KMT2E: variants seen among roughly 807,000 people sequenced by gnomAD.
The protein encoded by KMT2E is lysine methyltransferase 2E (inactive), also known as histone reader KMT2E.
A neutral mutation model predicts 184.6 loss-of-function variants in KMT2E; 30 were observed. The ratio of observed to expected loss-of-function variants is 0.16; its 90% CI spans 0.12 to 0.22. KMT2E has a LOEUF of 0.22. Among genes scored for constraint, KMT2E ranks in the 10% least tolerant of loss-of-function variants. KMT2E has a pLI of 1.00. For missense variants in KMT2E, 2,023 were observed against 2,237.4 expected (o/e 0.90, Z 1.93); for synonymous variants, 815 against 776.5 (o/e 1.05, Z -0.82).
chr7:105,058,844 A>G (rs993929505), intron 3 of KMT2E, among the ~76,000 whole-genome samples: 10 of 152,192 alleles, frequency 6.6e-5, no homozygotes, highest in African/African-American at 2.2e-4. Flanking sequence ...TCTTTTGGGA[A>G]ATTTCCCATG....
intron 3 of KMT2E, among the ~76,000 whole-genome samples, chr7:105,043,391 T>C (rs1489964423): frequency 6.6e-6 from 1 of 151,178 alleles, no homozygotes; most frequent in African/African-American, 2.4e-5. Flanking sequence ...CGCCCGCCAC[T>C]ACGCCCGGCT....
chr7:105,033,148 A>G (rs1179629228), intron 1 of KMT2E, among the ~76,000 whole-genome samples: 1 of 152,324 alleles, frequency 6.6e-6, no homozygotes, highest in East Asian at 1.9e-4. Flanking sequence ...CAGCACTTCA[A>G]GTGGACACTA....
chr7:105,113,590 G>A lies in KMT2E; in HGVS notation c.*257G>A, dbSNP rs1799433206. The stretch of plus-strand genomic sequence containing the variant: ...CTGGCAGATCTGATGCTGATTTGAT[G>A]CTGTATGATCTTTTTTTTTTTTTTA... On this transcript the variant is annotated 3_prime_UTR_variant, in exon 27 of 27. Transcript: ENST00000311117. 3.1e-6 allele frequency: 1 copy of A among 327,098 alleles called. No individual in the cohort carries two copies. The highest frequency in any genetic ancestry group is 6.3e-5 in the South Asian group (1 of 15,854). 20.3% of individuals were successfully genotyped at this position (327,098 alleles called of 1,614,324 possible). A position where few individuals can be genotyped will look rare whatever the true frequency, so the allele number is the denominator to read the frequency against.
chr7:105,112,002 C>A lies in KMT2E; in HGVS notation c.4246C>A (p.Pro1416Thr), dbSNP rs1447523123. ...NNNQALSKNH[P>T]PQTHVRNSSE... ...CAACCAAGCACTTTCAAAGAATCAT[C>A]CTCCTCAGACACACGTTCGTAATTC... The change falls in exon 27 of 27, where the codon CCT becomes ACT. Residue 1416 changes from proline (P) to threonine (T), a missense_variant. Physicochemically the swap from Pro to Thr is conservative, Grantham distance 38 (BLOSUM62 -1). This residue lies in a region of KMT2E where 1,108 missense variants were observed against 1,050.9 expected (regional missense o/e 1.05). Coordinates refer to ENST00000311117, the MANE Select transcript of KMT2E (RefSeq NM_182931.3). 6.2e-7 allele frequency: 1 copy of A among 1,614,190 alleles called. No individual in the cohort carries two copies. Among genetic ancestry groups the A allele is most frequent in the Admixed American group, 1.7e-5 (1 of 60,028 alleles).
chr7:105,058,402 T>A (rs889965538), intron 3 of KMT2E, among the ~76,000 whole-genome samples: 46 of 152,076 alleles, frequency 3.0e-4, no homozygotes, highest in Admixed American at 5.2e-4. Context: ...TACCTAAGAC[T>A]CTTAGCATCC....
In KMT2E at chr7:105,107,380, A is replaced by T. The variant is rs747878803; in HGVS notation, c.2923A>T (p.Thr975Ser). The T allele has an allele frequency of 6.3e-7, 1 of 1,592,124 alleles. No homozygotes were observed. The highest frequency in any genetic ancestry group is 1.1e-5 in the South Asian group (1 of 87,206). Reference sequence around the variant, plus strand: ...TAAACAGGGATATGACAGATCTTCAACCATGTTAACATTGGGGCCTTTTAG... The same window carrying T: ...TAAACAGGGATATGACAGATCTTCATCCATGTTAACATTGGGGCCTTTTAG... ...YSQEGYDRSS[T>S]MLTLGPFRNS... Residue 975 changes from threonine (T) to serine (S), a missense_variant, in exon 22 of 27, where the codon ACC (threonine) becomes TCC (serine). Thr to Ser is a moderately conservative substitution (Grantham distance 58). Coordinates refer to ENST00000311117, the MANE Select transcript of KMT2E (RefSeq NM_182931.3).
Position 105,112,109 on chromosome 7 carries a change from A to G in KMT2E, c.4353A>G (p.Pro1451=), listed in dbSNP as rs767812510. 12 of 1,614,144 alleles carry G rather than the reference A, an allele frequency of 7.4e-6. No homozygotes were observed. In the East Asian group the frequency reaches 2.7e-4, roughly 36 times the overall value. ...CATCACCTCACCTAGAAAATCCTCC[A>G]AAGTCATCCACGCCTCACACACCTG... is the stretch of plus-strand genomic sequence containing the variant. ...CPPSPHLENP[P]KSSTPHTPVQ... The change falls in exon 27 of 27, where the codon CCA becomes CCG. Residue 1451 remains proline, a synonymous_variant. Transcript: ENST00000311117.
chr7:105,087,178 A>G (rs148783022), intron 13 of KMT2E, among the ~76,000 whole-genome samples: 2,544 of 146,886 alleles, frequency 0.017, 81 homozygotes, highest in African/African-American at 0.059. Context: ...AATAAAATAT[A>G]TATTAGCATA....
Position 105,109,222 on chromosome 7 carries a change from T to C in KMT2E, c.3749T>C (p.Val1250Ala). 6.2e-7 allele frequency: 1 copy of C among 1,613,632 alleles called. No homozygotes were observed. Among genetic ancestry groups the C allele is most frequent in the Non-Finnish European group, 8.5e-7 (1 of 1,179,748 alleles). Reference sequence around the variant, plus strand: ...GCTAGTGAGAAGAATGAACCAGAAGTTCAATGGTAAGCCCATTGTGAAGTA... The same window carrying C: ...GCTAGTGAGAAGAATGAACCAGAAGCTCAATGGTAAGCCCATTGTGAAGTA... The part of the protein sequence containing the change: ...ATASEKNEPE[V>A]QWTASTSVEQ... Residue 1250 changes from valine (V) to alanine (A), a missense_variant, in exon 23 of 27, where the codon GTT (valine) becomes GCT (alanine). Transcript: ENST00000311117.
At chr7:105,032,888 G>A (rs1795485446) in intron 1 of KMT2E, among the ~76,000 whole-genome samples, 1 of 152,178 alleles carries the variant, frequency 6.6e-6, no homozygotes, top group Admixed American at 6.5e-5. Context: ...TACTCAATAT[G>A]TCCTTGGGAC....
intron 13 of KMT2E, among the ~76,000 whole-genome samples, chr7:105,089,627 A>G (rs1006455994): frequency 6.6e-6 from 1 of 152,210 alleles, no homozygotes; most frequent in Admixed American, 6.5e-5. Context: ...AATTACTTTT[A>G]GCCTATATGA....
At chr7:105,077,803 T>C (rs1241350507) in intron 11 of KMT2E, 3 of 191,528 alleles carry the variant, frequency 1.6e-5, no homozygotes, top group Non-Finnish European at 3.2e-5. Context: ...TAATTCCTCA[T>C]AACGTAATAG....
chr7:105,026,724 G>A (rs999570754), intron 1 of KMT2E, among the ~76,000 whole-genome samples: 16 of 152,180 alleles, frequency 1.1e-4, no homozygotes, highest in African/African-American at 3.9e-4. Context: ...TGATATGGTT[G>A]TACCAAAAGA....
chr7:105,081,660 G>A, intron 12 of KMT2E, 28 bp from the exon 13 acceptor site: 1 of 1,047,612 alleles, frequency 9.5e-7, no homozygotes, highest in Non-Finnish European at 1.4e-6. Context: ...AGTAATTTAT[G>A]GTAATGTACA....
chr7:105,028,071 TAATA>T (rs1205326309), intron 1 of KMT2E, among the ~76,000 whole-genome samples: 7 of 135,292 alleles, frequency 5.2e-5, no homozygotes, highest in Admixed American at 7.6e-5. Context: ...CAACTAACAT[TAATA>T]AATAAATATC....
chr7:105,045,509 A>T (rs2129565698), intron 3 of KMT2E, among the ~76,000 whole-genome samples: 1 of 152,240 alleles, frequency 6.6e-6, no homozygotes, highest in South Asian at 2.1e-4. Flanking sequence ...TTATTTGCCT[A>T]TTCTAGATAC....
chr7:105,107,865 T>A lies in KMT2E; in HGVS notation c.3408T>A (p.Thr1136=), dbSNP rs998281690. 6.2e-7 allele frequency: 1 copy of A among 1,614,156 alleles called. No homozygotes were observed. The highest frequency in any genetic ancestry group is 1.3e-5 in the African/African-American group (1 of 75,032). The change falls in exon 22 of 27, where the codon ACT becomes ACA. Residue 1136 remains threonine, a synonymous_variant. Coordinates refer to ENST00000311117, the MANE Select transcript of KMT2E (RefSeq NM_182931.3). ...GGCTTGTATCTGGTTTCGGACGGAC[T>A]GTTAATGACAATTTGATCGACGGGA... ...EDGLVSGFGR[T]VNDNLIDGNC...
At position 105,106,646 on chromosome 7, in the gene KMT2E, C is replaced by T; in HGVS notation, c.2721C>T (p.Asp907=). The T allele has an allele frequency of 1.9e-6, 3 of 1,614,122 alleles. No individual in the cohort carries two copies. The highest frequency in any genetic ancestry group is 2.5e-6 in the Non-Finnish European group (3 of 1,179,990). Residue 907 remains aspartate, a synonymous_variant, in exon 20 of 27, where the codon GAC becomes GAT. Coordinates refer to ENST00000311117, the MANE Select transcript of KMT2E (RefSeq NM_182931.3). ...TPTHTDITPM[D]PSFATPPRIK... ...CTCACACCGATATTACTCCTATGGA[C>T]CCATCTTTTGCCACGCCTCCACGGA...
chr7:105,101,242 A>C (rs1379889019), intron 15 of KMT2E, among the ~76,000 whole-genome samples, 183 bp from the exon 16 acceptor site: 1 of 152,158 alleles, frequency 6.6e-6, no homozygotes, highest in Admixed American at 6.5e-5. Context: ...TACCAAGATG[A>C]TGGGAATTCT....
Sources: allele counts gnomAD v4.1 joint callset (sites outside exome capture counted in the v4.1 genomes callset), GRCh38; gene constraint gnomAD v4.1.1; regional missense constraint gnomAD v4.1.1; transcripts MANE v1.5; gene names NCBI Gene and HGNC (gene_info 2026-07-23, HGNC 2026-07-21).